Variants in NEK4 observed in about 807,000 individuals in gnomAD.
NEK4 encodes serine/threonine-protein kinase Nek4.
A neutral mutation model predicts 98.4 loss-of-function variants in NEK4; 86 were observed. That is an observed-to-expected ratio of 0.87 (90% CI 0.73 to 1.05). NEK4 has a LOEUF of 1.05. NEK4 is among the 50% of genes least tolerant of loss of function. The pLI is 0.00. For missense variants in NEK4, 898 were observed against 950.3 expected (o/e 0.94, Z 0.72); for synonymous variants, 328 against 342.2 (o/e 0.96, Z 0.46).
chr3:52,714,089 A>G (rs867770523), intron 15 of NEK4, among the ~76,000 whole-genome samples: 1 of 152,154 alleles, frequency 6.6e-6, no homozygotes, highest in Non-Finnish European at 1.5e-5. Context: ...ACAAAAAATT[A>G]GCCAGGTGTG....
intron 6 of NEK4, chr3:52,753,660 C>G (rs553972518): frequency 8.2e-5 from 48 of 586,400 alleles, no homozygotes; most frequent in South Asian, 6.0e-4. Context: ...CCCAAAAATG[C>G]TTTGCCCATA....
Position 52,710,251 on chromosome 3 carries a change from G to T in NEK4, c.*1526C>A, listed in dbSNP as rs1345761856. The T allele has an allele frequency of 6.6e-6, 1 of 152,046 alleles. No individual in the cohort carries two copies. Among genetic ancestry groups the T allele is most frequent in the Non-Finnish European group, 1.5e-5 (1 of 68,058 alleles). 9.4% of individuals were successfully genotyped at this position (152,046 alleles called of 1,614,324 possible). On this transcript the variant is annotated 3_prime_UTR_variant, in exon 16 of 16. Coordinates refer to ENST00000233027, the MANE Select transcript of NEK4 (RefSeq NM_003157.6). ...ATGGTGGCGGGCAACTGTAGTCCCA[G>T]CTACTCGAGAGGATGAGGTAGGAGA...
intron 15 of NEK4, among the ~76,000 whole-genome samples, chr3:52,721,718 A>G (rs1010078737): frequency 3.9e-4 from 59 of 151,650 alleles, no homozygotes; most frequent in Non-Finnish European, 1.3e-4. Flanking sequence ...CCTGGGTGAC[A>G]GAGCAAGACC....
intron 6 of NEK4, 151 bp from the exon 7 acceptor site, chr3:52,752,487 C>A (rs1221118579): frequency 1.7e-5 from 12 of 707,968 alleles, no homozygotes; most frequent in Non-Finnish European, 2.8e-5. Flanking sequence ...ATCCAAGGAA[C>A]TGAAAGCAGG....
intron 15 of NEK4, among the ~76,000 whole-genome samples, chr3:52,736,237 TC>T (rs1277964492): frequency 2.6e-5 from 4 of 152,184 alleles, no homozygotes; most frequent in African/African-American, 9.7e-5. Context: ...ATTTTCCTTT[TC>T]TTCTGATATT....
chr3:52,753,205 G>C (rs966789439), intron 6 of NEK4, among the ~76,000 whole-genome samples: 2 of 151,844 alleles, frequency 1.3e-5, no homozygotes, highest in Non-Finnish European at 2.9e-5. Context: ...TTGGAAGCCT[G>C]AGTGGGAGGA....
chr3:52,737,792 T>G, intron 14 of NEK4, 73 bp from the exon 15 acceptor site: 1 of 1,076,182 alleles, frequency 9.3e-7, no homozygotes, highest in South Asian at 2.0e-5. Flanking sequence ...TGCAATTTTT[T>G]AAAATTTTGT....
chr3:52,754,601 C>T, intron 6 of NEK4: 3 of 1,048,888 alleles, frequency 2.9e-6, no homozygotes, highest in Non-Finnish European at 4.4e-6. Flanking sequence ...GCCTGAAGAA[C>T]AGCACAATAA....
At chr3:52,728,198 G>A (rs2097366327) in intron 15 of NEK4, among the ~76,000 whole-genome samples, 2 of 152,196 alleles carry the variant, frequency 1.3e-5, no homozygotes, top group Non-Finnish European at 2.9e-5. Flanking sequence ...CACAGTGAAA[G>A]CCCATCTCTA....
Position 52,746,852 on chromosome 3 carries a change from T to C in NEK4, c.1559A>G (p.Asp520Gly). 6.2e-7 allele frequency: 1 copy of C among 1,614,130 alleles called. No homozygotes were observed. Among genetic ancestry groups the C allele is most frequent in the Non-Finnish European group, 8.5e-7 (1 of 1,179,984 alleles). ...AGACCCAGAGTTGTGTGGCTGTAAATCTGGGTGGATTCTGCCCTGTTTTTC... is the reference window on the plus strand; with the variant it reads ...AGACCCAGAGTTGTGTGGCTGTAAACCTGGGTGGATTCTGCCCTGTTTTTC... ...IIEKQGRIHP[D>G]LQPHNSGSEP... The change falls in exon 9 of 16, where the codon GAT becomes GGT. Residue 520 changes from aspartate to glycine, a missense_variant. Physicochemically the swap from Asp to Gly is moderately conservative, Grantham distance 94 (BLOSUM62 -1). Transcript: ENST00000233027.
chr3:52,750,747 C>A (rs117173443), intron 7 of NEK4, among the ~76,000 whole-genome samples: 1 of 151,116 alleles, frequency 6.6e-6, no homozygotes, highest in East Asian at 2.0e-4. Context: ...GGCAACATGG[C>A]CATGGCAAGG....
intron 15 of NEK4, among the ~76,000 whole-genome samples, chr3:52,735,413 A>G (rs541239743): frequency 3.8e-4 from 58 of 152,368 alleles, no homozygotes; most frequent in African/African-American, 1.3e-3. Context: ...TCTTTTGAAA[A>G]TACATATGTA....
chr3:52,733,479 C>T, intron 15 of NEK4: 1 of 423,552 alleles, frequency 2.4e-6, no homozygotes, highest in East Asian at 6.0e-5. Context: ...ACTTCAGGCA[C>T]AAATTTTCCC....
chr3:52,721,162 A>C (rs769495502), intron 15 of NEK4, among the ~76,000 whole-genome samples: 6 of 152,222 alleles, frequency 3.9e-5, no homozygotes, highest in African/African-American at 1.4e-4. Context: ...AGCAGCTTGC[A>C]TGCTGCTTGC....
intron 1 of NEK4, among the ~76,000 whole-genome samples, chr3:52,769,991 C>T (rs1263594882): frequency 6.6e-6 from 1 of 152,252 alleles, no homozygotes; most frequent in Admixed American, 6.5e-5. Context: ...TTGCTAGAGA[C>T]AACAGGGTGT....
intron 13 of NEK4, among the ~76,000 whole-genome samples, chr3:52,740,675 C>T (rs1470940535): frequency 6.6e-6 from 1 of 151,934 alleles, no homozygotes; most frequent in Admixed American, 6.6e-5. Flanking sequence ...CCTGTAATCC[C>T]AGCTACTCGG....
chr3:52,729,417 T>TA (rs955561030), intron 15 of NEK4, among the ~76,000 whole-genome samples: 21 of 149,910 alleles, frequency 1.4e-4, no homozygotes, highest in African/African-American at 3.7e-4. Flanking sequence ...TATTTTAAAT[T>TA]AAAAAAAAAG....
Position 52,736,978 on chromosome 3 carries a change from C to A in NEK4, c.2433+608G>T, listed in dbSNP as rs975591618. 7.2e-5 allele frequency among the ~76,000 whole-genome samples: 11 copies of A among 152,168 alleles called. 1 individual carries two copies. Among genetic ancestry groups the A allele is most frequent in the Admixed American group, 6.5e-4 (10 of 15,300 alleles). ...TTGAGACAGAGTCTTGCTCTGTCACCCAGGCTAGAGTGCAGTAGCGTAATC... is the reference window on the plus strand; with the variant it reads ...TTGAGACAGAGTCTTGCTCTGTCACACAGGCTAGAGTGCAGTAGCGTAATC... On this transcript the variant is annotated intron_variant, in intron 15 of 15. Coordinates refer to ENST00000233027, the MANE Select transcript of NEK4 (RefSeq NM_003157.6).
Position 52,737,605 on chromosome 3 carries a change from T to C in NEK4, c.2414A>G (p.Glu805Gly). The C allele has an allele frequency of 6.2e-7, 1 of 1,613,926 alleles. No individual in the cohort carries two copies. Among genetic ancestry groups the C allele is most frequent in the South Asian group, 1.1e-5 (1 of 91,076 alleles). Reference protein sequence around the residue: ...LEQVYDLLEEEDEFDREVRLR... With the variant: ...LEQVYDLLEEGDEFDREVRLR... The stretch of plus-strand genomic sequence containing the variant: ...ACTCACCTCTCTATCAAATTCATCC[T>C]CCTCCTCCAAAAGATCATACACCTG... Residue 805 changes from glutamate to glycine, a missense_variant, in exon 15 of 16, where the codon GAG (glutamate) becomes GGG (glycine). Physicochemically the swap from Glu to Gly is moderately conservative, Grantham distance 98 (BLOSUM62 -2). Coordinates refer to ENST00000233027, the MANE Select transcript of NEK4 (RefSeq NM_003157.6).
Sources: gnomAD v4.1 joint callset for allele counts (sites outside exome capture counted in the v4.1 genomes callset) on GRCh38, gnomAD v4.1.1 for gene constraint, MANE v1.5 for transcripts, NCBI Gene and HGNC (gene_info 2026-07-23, HGNC 2026-07-21) for gene names.